The following HDDC2 variants were observed in gnomAD, a reference collection of about 807,000 sequenced individuals.
HDDC2 encodes the protein 5'-deoxynucleotidase HDDC2.
In HDDC2, 25 loss-of-function variants were observed where a neutral mutation model predicts 25.5. That is an observed-to-expected ratio of 0.98 (90% confidence interval 0.72 to 1.37). The LOEUF (loss-of-function observed/expected upper bound fraction) is 1.37. Among genes scored for constraint, HDDC2 ranks in the 40% most tolerant of loss-of-function variants. The pLI is 0.00. For synonymous variants in HDDC2, 106 were observed against 89.7 expected (o/e 1.18, Z -1.03); for missense variants, 264 against 253.1 (o/e 1.04, Z -0.29).
chr6:125,292,979 C>T, intron 3 of HDDC2, 70 bp from the exon 4 acceptor site: 3 of 1,198,080 alleles, frequency 2.5e-6, no homozygotes, highest in Non-Finnish European at 3.7e-6. Context: ...CTGCAACAGA[C>T]AAATAGGTTC....
chr6:125,301,481 A>AGCACACACAC (rs1385989418), intron 1 of HDDC2, among the ~76,000 whole-genome samples: 1 of 101,538 alleles, frequency 9.8e-6, no homozygotes, highest in African/African-American at 5.9e-5. Context: ...TGGGGTCGTG[A>AGCACACACAC]GCACACACAC....
At chr6:125,280,341 A>T (rs147038414) in intron 4 of HDDC2, among the ~76,000 whole-genome samples, 67 of 151,772 alleles carry the variant, frequency 4.4e-4, no homozygotes, top group African/African-American at 1.5e-3. Flanking sequence ...AGCTAGCTAC[A>T]ATTTTTTTTT....
At chr6:125,301,442 TAC>T (rs3039619) in intron 1 of HDDC2, among the ~76,000 whole-genome samples, 68 of 144,816 alleles carry the variant, frequency 4.7e-4, no homozygotes, top group South Asian at 8.8e-4. Flanking sequence ...AGCCGCGCTT[TAC>T]ACACACACAC....
At chr6:125,291,390 C>T (rs1163590761) in intron 4 of HDDC2, among the ~76,000 whole-genome samples, 2 of 152,112 alleles carry the variant, frequency 1.3e-5, no homozygotes, top group Admixed American at 6.5e-5. Flanking sequence ...TCAGCATTTC[C>T]TTATTTTAGA....
At chr6:125,293,128 A>C (rs1798656158) in intron 3 of HDDC2, 1 of 618,688 alleles carries the variant, frequency 1.6e-6, no homozygotes, top group Admixed American at 2.3e-5. Flanking sequence ...TTCGCTTAGC[A>C]CCTCTTTTGT....
intron 2 of HDDC2, chr6:125,300,294 C>T: frequency 2.2e-6 from 1 of 460,234 alleles, no homozygotes; most frequent in East Asian, 3.6e-5. Flanking sequence ...GCCCCAATAT[C>T]ACACTTAAGT....
intron 4 of HDDC2, among the ~76,000 whole-genome samples, chr6:125,288,673 C>T (rs896584495): frequency 1.3e-5 from 2 of 150,372 alleles, no homozygotes; most frequent in African/African-American, 2.5e-5. Flanking sequence ...GGGCGAAGGA[C>T]ATGAACAGAC....
At chr6:125,285,919 T>A (rs1018942371) in intron 4 of HDDC2, among the ~76,000 whole-genome samples, 1 of 152,182 alleles carries the variant, frequency 6.6e-6, no homozygotes, top group African/African-American at 2.4e-5. Context: ...TCTCTCCCCA[T>A]CTGTCCCTCA....
chr6:125,301,431 C>A (rs992654190), intron 1 of HDDC2, among the ~76,000 whole-genome samples: 1 of 120,056 alleles, frequency 8.3e-6, no homozygotes, highest in Non-Finnish European at 1.7e-5. Context: ...TGCTCAGAAG[C>A]AGCCGCGCTT....
intron 4 of HDDC2, among the ~76,000 whole-genome samples, chr6:125,288,202 T>C (rs1009118446): frequency 2.0e-5 from 3 of 152,118 alleles, no homozygotes; most frequent in Non-Finnish European, 4.4e-5. Flanking sequence ...ATACTTGCTA[T>C]AAAATCAGGG....
intron 3 of HDDC2, among the ~76,000 whole-genome samples, chr6:125,296,797 T>A (rs1373204609): frequency 6.6e-6 from 1 of 152,236 alleles, no homozygotes; most frequent in African/African-American, 2.4e-5. Flanking sequence ...CCTCTCTGAT[T>A]GCTCAGGTCC....
chr6:125,285,280 T>G (rs954350104), intron 4 of HDDC2, among the ~76,000 whole-genome samples: 7 of 152,000 alleles, frequency 4.6e-5, no homozygotes, highest in Non-Finnish European at 1.0e-4. Flanking sequence ...AACCTGCACG[T>G]TCTGCACATG....
Position 125,294,179 on chromosome 6 carries a change from A to G in HDDC2, c.310-1270T>C, listed in dbSNP as rs947223634. ...TAGGCTCTTTGAACGGAATATGGCTATAAAAACCATTTTTGGCAATATAAA... is the reference window on the plus strand; with the variant it reads ...TAGGCTCTTTGAACGGAATATGGCTGTAAAAACCATTTTTGGCAATATAAA... On this transcript the variant is annotated intron_variant, in intron 3 of 5. Transcript: ENST00000398153. Among the ~76,000 whole-genome samples, 6 of 152,352 alleles carry G rather than the reference A, an allele frequency of 3.9e-5. No homozygotes were observed. The East Asian group carries it at 1.2e-3, about 29-fold the overall frequency.
intron 1 of HDDC2, 96 bp downstream of exon 1, chr6:125,301,753 G>C: frequency 2.3e-6 from 2 of 869,310 alleles, no homozygotes; most frequent in East Asian, 3.1e-5. Flanking sequence ...GGCGCAGGAA[G>C]GGCAAAGACC....
chr6:125,292,542 A>G (rs2115113115), intron 4 of HDDC2, among the ~76,000 whole-genome samples: 1 of 152,242 alleles, frequency 6.6e-6, no homozygotes, highest in African/African-American at 2.4e-5. Context: ...AACTATCCCC[A>G]AGTCCATGTT....
At chr6:125,298,665 C>A in intron 3 of HDDC2, 49 bp downstream of exon 3, 1 of 1,389,156 alleles carries the variant, frequency 7.2e-7, no homozygotes, top group East Asian at 2.3e-5. Flanking sequence ...TTTGCTTCAG[C>A]AAGAGGTTTT....
chr6:125,300,318 C>G (rs1798775682), intron 2 of HDDC2: 1 of 520,502 alleles, frequency 1.9e-6, no homozygotes, highest in Admixed American at 3.7e-5. Flanking sequence ...CCCTGATACC[C>G]TAGGCAGGCT....
intron 4 of HDDC2, chr6:125,277,946 T>G (rs3799720): frequency 0.22 from 32,873 of 152,010 alleles, 4,321 homozygotes; most frequent in African/African-American, 0.37. Flanking sequence ...GCTCCAGGAG[T>G]TCTGCTTCTT....
chr6:125,301,572 G>A (rs1798807165), intron 1 of HDDC2, among the ~76,000 whole-genome samples: 1 of 150,574 alleles, frequency 6.6e-6, no homozygotes, highest in Non-Finnish European at 1.5e-5. Flanking sequence ...CTGCTCTCCG[G>A]GAACTGGCGC....
Sources: allele counts gnomAD v4.1 joint callset (sites outside exome capture counted in the v4.1 genomes callset), GRCh38; gene constraint gnomAD v4.1.1; transcripts MANE v1.5; gene names NCBI Gene and HGNC (gene_info 2026-07-23, HGNC 2026-07-21).